Variants in ANKRD39 observed in about 807,000 individuals in gnomAD.
ANKRD39 encodes ankyrin repeat domain-containing protein 39.
In ANKRD39, 18 loss-of-function variants were observed where a neutral mutation model predicts 20.3. That is an observed-to-expected ratio of 0.89 (90% confidence interval 0.61 to 1.32). The LOEUF (loss-of-function observed/expected upper bound fraction) is 1.32, where lower values mean the gene tolerates loss of function less well. ANKRD39 is among the 40% of genes most tolerant of loss of function. The pLI, the probability that ANKRD39 is intolerant of heterozygous loss-of-function variation, is 0.00. For synonymous variants in ANKRD39, 106 were observed against 111.9 expected (o/e 0.95, Z 0.33); for missense variants, 243 against 250.7 (o/e 0.97, Z 0.21).
chr2:96,851,666 CA>C (rs1204526932), intron 3 of ANKRD39, among the ~76,000 whole-genome samples: 2 of 152,078 alleles, frequency 1.3e-5, no homozygotes, highest in African/African-American at 4.8e-5. Context: ...AGGGAATTTC[CA>C]GGGGTACAGG....
intron 1 of ANKRD39, among the ~76,000 whole-genome samples, chr2:96,855,888 G>C (rs760523256): frequency 4.6e-5 from 7 of 152,128 alleles, no homozygotes; most frequent in Middle Eastern, 3.4e-3. Flanking sequence ...GCTGAGGCAG[G>C]AGAATGGCGT....
At chr2:96,857,015 C>T (rs1264758769) in intron 1 of ANKRD39, among the ~76,000 whole-genome samples, 1 of 152,132 alleles carries the variant, frequency 6.6e-6, no homozygotes, top group East Asian at 1.9e-4. Flanking sequence ...TAGGCCATAA[C>T]AGGGAATGAT....
At chr2:96,855,181 G>A (rs755059457) in intron 1 of ANKRD39, among the ~76,000 whole-genome samples, 36 of 152,144 alleles carry the variant, frequency 2.4e-4, no homozygotes, top group Non-Finnish European at 4.4e-4. Flanking sequence ...AGCCATTATT[G>A]CACAATCCAA....
chr2:96,849,256 G>A (rs542638262), intron 3 of ANKRD39, among the ~76,000 whole-genome samples: 2 of 152,240 alleles, frequency 1.3e-5, no homozygotes, highest in East Asian at 1.9e-4. Flanking sequence ...GGGCTCAAGC[G>A]ATCCTCCTGC....
At chr2:96,853,691 G>T in intron 2 of ANKRD39, 87 bp from the exon 3 acceptor site, 2 of 1,338,124 alleles carry the variant, frequency 1.5e-6, no homozygotes, top group Non-Finnish European at 2.1e-6. Context: ...CCTCCCTGCA[G>T]CGAGGGGCCT....
Position 96,853,493 on chromosome 2 carries a change from A to G in ANKRD39, c.316T>C (p.Tyr106His). 6.2e-7 allele frequency: 1 copy of G among 1,612,704 alleles called. No individual in the cohort carries two copies. The highest frequency in any genetic ancestry group is 8.5e-7 in the Non-Finnish European group (1 of 1,179,500). The change falls in exon 3 of 4, where the codon TAC (tyrosine) becomes CAC (histidine). Residue 106 changes from tyrosine to histidine, a missense_variant. Tyr to His is a moderately conservative substitution (Grantham distance 83). Coordinates refer to ENST00000393537, the MANE Select transcript of ANKRD39 (RefSeq NM_016466.6). ...GGATALHRAS[Y>H]CGHTEIARLL... is the part of the protein sequence containing the mutation. ...CGCGCGATTTCAGTGTGCCCGCAGTAGCTGGCTCGGTGCAGAGCAGTGGCA... is the reference window on the plus strand; with the variant it reads ...CGCGCGATTTCAGTGTGCCCGCAGTGGCTGGCTCGGTGCAGAGCAGTGGCA...
At position 96,853,425 on chromosome 2, in the gene ANKRD39, G is replaced by C; in HGVS notation, c.384C>G (p.Asp128Glu). The change falls in exon 3 of 4, where the codon GAC becomes GAG. Residue 128 changes from aspartate to glutamate, a missense_variant. Transcript: ENST00000393537. ...SHGSNPRVVD[D>E]DGMTSLHKAA... is the part of the protein sequence containing the mutation. ...CCTTATGCAGACTGGTCATGCCGTC[G>C]TCATCCACCACCCTGGGGTTGGACC... The C allele has an allele frequency of 6.3e-7, 1 of 1,585,906 alleles. No homozygotes were observed. The highest frequency in any genetic ancestry group is 8.6e-7 in the Non-Finnish European group (1 of 1,166,350).
In ANKRD39 at chr2:96,854,456, C is replaced by T. The variant is rs772184661; in HGVS notation, c.101-15G>A. 1.9e-6 allele frequency: 3 copies of T among 1,613,126 alleles called. No homozygotes were observed. Among genetic ancestry groups the T allele is most frequent in the Non-Finnish European group, 2.5e-6 (3 of 1,179,162 alleles). ...CGACCAGATTCCTGCAGAAAGGCAA[C>T]CAAAGGACTGAATGATGCTGAATGG... On this transcript the variant is annotated splice_polypyrimidine_tract_variant and intron_variant, in intron 1 of 3. Coordinates refer to ENST00000393537, the MANE Select transcript of ANKRD39 (RefSeq NM_016466.6).
chr2:96,854,147 T>G (rs570449731), intron 2 of ANKRD39, among the ~76,000 whole-genome samples, 191 bp downstream of exon 2: 1 of 152,214 alleles, frequency 6.6e-6, no homozygotes, highest in African/African-American at 2.4e-5. Context: ...AAAACCTAAA[T>G]TATTGATGTA....
chr2:96,855,623 T>A (rs573074499), intron 1 of ANKRD39, among the ~76,000 whole-genome samples: 23 of 150,840 alleles, frequency 1.5e-4, no homozygotes, highest in Admixed American at 7.3e-4. Flanking sequence ...CTCAGGGGGC[T>A]GAGGCAGAAG....
chr2:96,854,630 T>C (rs1189072854), intron 1 of ANKRD39, among the ~76,000 whole-genome samples, 189 bp from the exon 2 acceptor site: 1 of 152,242 alleles, frequency 6.6e-6, no homozygotes, highest in African/African-American at 2.4e-5. Flanking sequence ...ACAAGACAGA[T>C]GGGCACATCT....
In ANKRD39 at chr2:96,854,440, T is replaced by C; in HGVS notation, c.102A>G (p.Gly34=). 4 of 1,614,148 alleles carry C rather than the reference T, an allele frequency of 2.5e-6. No homozygotes were observed. The highest frequency in any genetic ancestry group is 3.4e-6 in the Non-Finnish European group (4 of 1,180,000). Residue 34 remains glycine (G), a splice_region_variant and synonymous_variant, in exon 2 of 4, where the codon GGA becomes GGG. Coordinates refer to ENST00000393537, the MANE Select transcript of ANKRD39 (RefSeq NM_016466.6). Reference sequence around the variant, plus strand: ...CTCCATTCAGGGCTGCCGACCAGATTCCTGCAGAAAGGCAACCAAAGGACT... The same window carrying C: ...CTCCATTCAGGGCTGCCGACCAGATCCCTGCAGAAAGGCAACCAAAGGACT... The part of the protein sequence containing the change: ...QTLEEMDFER[G]IWSAALNGDL...
Position 96,853,494 on chromosome 2 carries a change from G to C in ANKRD39, c.315C>G (p.Ser105Arg). Residue 105 changes from serine to arginine, a missense_variant, in exon 3 of 4, where the codon AGC becomes AGG. Transcript: ENST00000393537. ...GCGCGATTTCAGTGTGCCCGCAGTA[G>C]CTGGCTCGGTGCAGAGCAGTGGCAC... ...HGGATALHRA[S>R]YCGHTEIARL... 1 of 1,612,658 alleles carries C rather than the reference G, an allele frequency of 6.2e-7. No individual in the cohort carries two copies. Among genetic ancestry groups the C allele is most frequent in the Non-Finnish European group, 8.5e-7 (1 of 1,179,504 alleles).
At chr2:96,855,084 G>C (rs940101828) in intron 1 of ANKRD39, among the ~76,000 whole-genome samples, 1 of 152,230 alleles carries the variant, frequency 6.6e-6, no homozygotes, top group African/African-American at 2.4e-5. Flanking sequence ...ATATAGGTGA[G>C]ATGAGGGGAG....
intron 3 of ANKRD39, among the ~76,000 whole-genome samples, chr2:96,852,386 CAAA>C (rs1232527949): frequency 2.2e-5 from 1 of 45,682 alleles, no homozygotes; most frequent in African/African-American, 7.9e-5. Flanking sequence ...GACCCTGTCT[CAAA>C]AAAAAAAAAA....
intron 3 of ANKRD39, among the ~76,000 whole-genome samples, chr2:96,850,442 G>A (rs1347693981): frequency 6.6e-6 from 1 of 152,180 alleles, no homozygotes; most frequent in Non-Finnish European, 1.5e-5. Flanking sequence ...AGGGAGGGGG[G>A]ATCACCTGAG....
At chr2:96,855,335 AAAC>A (rs955637903) in intron 1 of ANKRD39, among the ~76,000 whole-genome samples, 33 of 152,368 alleles carry the variant, frequency 2.2e-4, no homozygotes, top group South Asian at 4.1e-4. Context: ...CATTGAAACA[AAAC>A]AACAACAATA....
chr2:96,850,660 A>G (rs1299567808), intron 3 of ANKRD39, among the ~76,000 whole-genome samples: 1 of 151,918 alleles, frequency 6.6e-6, no homozygotes, highest in African/African-American at 2.4e-5. Context: ...GCGAGACTCT[A>G]TCTAAAAAAA....
intron 1 of ANKRD39, among the ~76,000 whole-genome samples, chr2:96,857,171 A>G (rs1339871011): frequency 3.9e-5 from 6 of 152,192 alleles, no homozygotes; most frequent in Admixed American, 3.9e-4. Flanking sequence ...GGAGGGAAGT[A>G]GGCAGGTGCC....
Sources: gnomAD v4.1 joint callset for allele counts (sites outside exome capture counted in the v4.1 genomes callset) on GRCh38, gnomAD v4.1.1 for gene constraint, MANE v1.5 for transcripts, NCBI Gene and HGNC (gene_info 2026-07-23, HGNC 2026-07-21) for gene names.